TSPAN2: variants seen among roughly 807,000 people sequenced by gnomAD.
TSPAN2 encodes tetraspanin 2, also known as tetraspanin-2.
In TSPAN2, 24 loss-of-function variants were observed where a neutral mutation model predicts 33.3. The observed-to-expected ratio is 0.72, with a 90% confidence interval of 0.52 to 1.01. The LOEUF (loss-of-function observed/expected upper bound fraction) is 1.01, where lower values mean the gene tolerates loss of function less well. Ranked by LOEUF, TSPAN2 falls within the 50% of genes least tolerant of loss-of-function variation. The probability of loss-of-function intolerance (pLI) is 0.00; values close to 1 mark genes in which losing one functional copy is unlikely to be tolerated. For missense variants in TSPAN2, 278 were observed against 281.3 expected (o/e 0.99, Z 0.08); for synonymous variants, 114 against 104.5 (o/e 1.09, Z -0.56).
At chr1:115,065,679 G>A (rs1233805068) in intron 2 of TSPAN2, among the ~76,000 whole-genome samples, 1 of 152,134 alleles carries the variant, frequency 6.6e-6, no homozygotes, top group African/African-American at 2.4e-5. Flanking sequence ...TTCAATGCAT[G>A]TATACAATGT....
chr1:115,084,682 T>C (rs1648764293), intron 1 of TSPAN2, among the ~76,000 whole-genome samples: 1 of 152,202 alleles, frequency 6.6e-6, no homozygotes, highest in African/African-American at 2.4e-5. Context: ...TTTCTTTAGG[T>C]ATTTTTTCCT....
chr1:115,089,157 C>CTCAT (rs768434924), intron 1 of TSPAN2, among the ~76,000 whole-genome samples: 13 of 152,194 alleles, frequency 8.5e-5, no homozygotes, highest in Non-Finnish European at 1.6e-4. Context: ...CTCACCATTT[C>CTCAT]TCATTGATCA....
chr1:115,069,433 G>A (rs11803821), intron 2 of TSPAN2, among the ~76,000 whole-genome samples: 4,765 of 152,250 alleles, frequency 0.031, 123 homozygotes, highest in Non-Finnish European at 0.042. Flanking sequence ...GTTAGGCCTG[G>A]GGCATTACAT....
At chr1:115,054,913 G>A (rs1314085175) in intron 6 of TSPAN2, among the ~76,000 whole-genome samples, 1 of 152,098 alleles carries the variant, frequency 6.6e-6, no homozygotes, top group African/African-American at 2.4e-5. Context: ...CTTGAACCTG[G>A]GAGGTGGAGG....
intron 1 of TSPAN2, among the ~76,000 whole-genome samples, chr1:115,077,306 GT>G (rs1648452181): frequency 7.0e-6 from 1 of 143,854 alleles, no homozygotes; most frequent in Non-Finnish European, 1.5e-5. Context: ...TGTGCCAACT[GT>G]TAAAAAGAGG....
chr1:115,056,349 C>T (rs542698212), intron 6 of TSPAN2, among the ~76,000 whole-genome samples: 83 of 152,290 alleles, frequency 5.5e-4, no homozygotes, highest in African/African-American at 1.7e-3. Flanking sequence ...ACATCTCGCT[C>T]TCTGAAACCT....
At chr1:115,083,465 G>A (rs1648707488) in intron 1 of TSPAN2, among the ~76,000 whole-genome samples, 1 of 152,138 alleles carries the variant, frequency 6.6e-6, no homozygotes, top group African/African-American at 2.4e-5. Context: ...AGTAAGCCAA[G>A]AAGCAGGGCA....
intron 4 of TSPAN2, among the ~76,000 whole-genome samples, 174 bp downstream of exon 4, chr1:115,060,290 T>TA (rs1300213555): frequency 6.6e-6 from 1 of 152,174 alleles, no homozygotes; most frequent in African/African-American, 2.4e-5. Context: ...AGCATGTATA[T>TA]ATGCCTGCAC....
At chr1:115,069,525 A>C (rs1029618087) in intron 2 of TSPAN2, among the ~76,000 whole-genome samples, 1 of 152,214 alleles carries the variant, frequency 6.6e-6, no homozygotes. Context: ...CGGCCGTTTT[A>C]TCACATGGAG....
intron 2 of TSPAN2, among the ~76,000 whole-genome samples, chr1:115,066,286 A>T (rs759003784): frequency 6.6e-6 from 1 of 152,162 alleles, no homozygotes; most frequent in Non-Finnish European, 1.5e-5. Flanking sequence ...GCTGGATGAT[A>T]GCTCTATATT....
intron 7 of TSPAN2, among the ~76,000 whole-genome samples, chr1:115,052,726 C>T (rs1418919633): frequency 2.6e-5 from 4 of 152,206 alleles, no homozygotes; most frequent in Non-Finnish European, 5.9e-5. Flanking sequence ...ACCATCTATG[C>T]CATTGCCTTT....
intron 2 of TSPAN2, 41 bp downstream of exon 2, chr1:115,072,864 A>G (rs994232914): frequency 2.0e-6 from 3 of 1,518,540 alleles, no homozygotes; most frequent in African/African-American, 2.7e-5. Context: ...GCACAGCCCC[A>G]TCTACTCTGA....
chr1:115,072,900 C>T lies in TSPAN2; in HGVS notation c.172+5G>A, dbSNP rs368110828. ...GCTGGAGCTTAGGAAGCTGGAGTCA[C>T]TCACCCACATAGAAATACTCTGGGG... On this transcript the variant is annotated splice_donor_5th_base_variant and intron_variant, in intron 2 of 7. Coordinates refer to ENST00000369516, the MANE Select transcript of TSPAN2 (RefSeq NM_005725.6). 24 of 1,610,410 alleles carry T rather than the reference C, an allele frequency of 1.5e-5. No individual in the cohort carries two copies. The highest frequency in any genetic ancestry group is 2.0e-5 in the Non-Finnish European group (23 of 1,176,718).
chr1:115,067,544 G>A, intron 2 of TSPAN2, among the ~76,000 whole-genome samples: 1 of 152,190 alleles, frequency 6.6e-6, no homozygotes, highest in East Asian at 1.9e-4. Context: ...TCAGGTACAA[G>A]TGAAAACCAA....
chr1:115,085,046 C>T (rs928948069), intron 1 of TSPAN2, among the ~76,000 whole-genome samples: 2 of 152,156 alleles, frequency 1.3e-5, no homozygotes, highest in African/African-American at 2.4e-5. Context: ...ATAAACAGCG[C>T]CCAGGTTTTC....
In TSPAN2 at chr1:115,068,188, C is replaced by A. The variant is rs771707071; in HGVS notation, c.172+4717G>T. On this transcript the variant is annotated intron_variant, in intron 2 of 7. Transcript: ENST00000369516. ...GTGGCAGTCAGTCTGACTATCCTCT[C>A]GCCCTGTCCTCATTTCCCACAGCTG... 2.7e-4 allele frequency among the ~76,000 whole-genome samples: 41 copies of A among 152,222 alleles called. 1 individual carries two copies. Among genetic ancestry groups the A allele is most frequent in the Admixed American group, 9.8e-4 (15 of 15,288 alleles).
At position 115,086,037 on chromosome 1, in the gene TSPAN2, T is replaced by C. The variant is rs182917140; in HGVS notation, c.69+3327A>G. Among the ~76,000 whole-genome samples the C allele has an allele frequency of 1.1e-4, 16 of 152,250 alleles. No individual in the cohort carries two copies. The East Asian group carries it at 2.9e-3, about 28-fold the overall frequency. ...GTAGTTATCCTCAAATGAAGACAAA[T>C]GGCAAGTCACTTGGCAAACTTATAT... On this transcript the variant is annotated intron_variant, in intron 1 of 7. Transcript: ENST00000369516.
chr1:115,061,281 C>T (rs4478805), intron 3 of TSPAN2, among the ~76,000 whole-genome samples: 94,411 of 152,082 alleles, frequency 0.62, 29,481 homozygotes, highest in South Asian at 0.75. Context: ...TTTCTGACTC[C>T]CTGTGGAGAA....
chr1:115,060,127 A>C (rs1164521387), intron 4 of TSPAN2, among the ~76,000 whole-genome samples: 2 of 152,176 alleles, frequency 1.3e-5, no homozygotes, highest in Non-Finnish European at 2.9e-5. Context: ...AGGGGATGAG[A>C]ATCTAGATTC....
Sources: gnomAD v4.1 joint callset for allele counts (sites outside exome capture counted in the v4.1 genomes callset) on GRCh38, gnomAD v4.1.1 for gene constraint, MANE v1.5 for transcripts, NCBI Gene and HGNC (gene_info 2026-07-23, HGNC 2026-07-21) for gene names.